ATP8A2: variants seen among roughly 807,000 people sequenced by gnomAD.
The protein encoded by ATP8A2 is phospholipid-transporting ATPase IB.
In ATP8A2, 100 loss-of-function variants were observed where a neutral mutation model predicts 165.6. The ratio of observed to expected loss-of-function variants is 0.60; its 90% CI spans 0.51 to 0.71. The LOEUF is 0.71. Among genes scored for constraint, ATP8A2 ranks in the 30% least tolerant of loss-of-function variants. The probability of loss-of-function intolerance (pLI) is 0.00; values close to 1 mark genes in which losing one functional copy is unlikely to be tolerated. For missense variants in ATP8A2, 1,227 were observed against 1,479.5 expected, an observed-to-expected ratio of 0.83 and a Z score of 2.80; for synonymous variants, 543 against 548.8, an observed-to-expected ratio of 0.99 and a Z score of 0.15.
At chr13:25,898,005 T>G (rs1953612933) in intron 33 of ATP8A2, among the ~76,000 whole-genome samples, 1 of 152,216 alleles carries the variant, frequency 6.6e-6, no homozygotes, top group Non-Finnish European at 1.5e-5. Context: ...TCGGAGAAGT[T>G]TGATCTTCTG....
chr13:25,457,391 A>G (rs1212638046), intron 1 of ATP8A2, among the ~76,000 whole-genome samples: 1 of 152,232 alleles, frequency 6.6e-6, no homozygotes, highest in Admixed American at 6.5e-5. Flanking sequence ...AGGTAAAAGG[A>G]CATATCAATG....
chr13:25,671,481 G>A (rs1181078570), intron 24 of ATP8A2, among the ~76,000 whole-genome samples: 3 of 152,172 alleles, frequency 2.0e-5, no homozygotes, highest in Non-Finnish European at 2.9e-5. Flanking sequence ...GAGAAATATC[G>A]CTGAATTCTT....
chr13:25,437,804 T>C (rs867260849), intron 1 of ATP8A2, among the ~76,000 whole-genome samples: 1 of 152,202 alleles, frequency 6.6e-6, no homozygotes, highest in Non-Finnish European at 1.5e-5. Flanking sequence ...GGTGAGAGCA[T>C]GTATACGCTG....
intron 30 of ATP8A2, among the ~76,000 whole-genome samples, chr13:25,849,519 TC>T (rs1951955263): frequency 6.6e-6 from 1 of 152,174 alleles, no homozygotes; most frequent in Non-Finnish European, 1.5e-5. Context: ...TCATTTTGTC[TC>T]TTTAGAAAAT....
At chr13:25,686,285 C>T (rs926221471) in intron 24 of ATP8A2, among the ~76,000 whole-genome samples, 14 of 152,128 alleles carry the variant, frequency 9.2e-5, no homozygotes, top group Admixed American at 4.6e-4. Context: ...GGAGCGGATG[C>T]GTCACGGGCC....
intron 24 of ATP8A2, among the ~76,000 whole-genome samples, chr13:25,594,967 C>T (rs1407026880): frequency 4.1e-5 from 5 of 122,090 alleles, no homozygotes; most frequent in Non-Finnish European, 8.4e-5. Context: ...GATAAAGAAA[C>T]TGTGGTGTGT....
chr13:25,442,534 C>T (rs1450976018), intron 1 of ATP8A2, among the ~76,000 whole-genome samples: 2 of 151,372 alleles, frequency 1.3e-5, no homozygotes, highest in Non-Finnish European at 2.9e-5. Context: ...CTGCCTCAGC[C>T]TCCTGAGTAG....
intron 16 of ATP8A2, among the ~76,000 whole-genome samples, chr13:25,565,413 T>C (rs1402354401): frequency 1.3e-5 from 2 of 152,248 alleles, no homozygotes; most frequent in African/African-American, 4.8e-5. Flanking sequence ...TTTTTGGTTA[T>C]GGCCATTCTT....
At position 25,979,065 on chromosome 13, in the gene ATP8A2, ACTAGTCTCTGTCACTAGT is replaced by A. The variant is rs879734673; in HGVS notation, c.3377+10387_3377+10404del. On this transcript the variant is annotated intron_variant, in intron 35 of 36. Coordinates refer to ENST00000381655, the MANE Select transcript of ATP8A2 (RefSeq NM_016529.6). ...CGTGGTCTCTGTCACTAGACTAGTG[ACTAGTCTCTGTCACTAGT>A]GGTCTCTGTCACCATTTATGTATAC... is the stretch of plus-strand genomic sequence containing the variant. 6.4e-3 allele frequency among the ~76,000 whole-genome samples: 976 copies of A among 152,202 alleles called. 5 individuals are homozygous for A. The highest frequency in any genetic ancestry group is 0.027 in the Middle Eastern group (8 of 294).
intron 1 of ATP8A2, among the ~76,000 whole-genome samples, chr13:25,406,934 C>T (rs1368659719): frequency 2.0e-5 from 3 of 152,214 alleles, no homozygotes; most frequent in Non-Finnish European, 2.9e-5. Flanking sequence ...ACCAAGGTAG[C>T]GTCCCCTCTC....
chr13:25,380,280 T>G (rs1413676625), intron 1 of ATP8A2, among the ~76,000 whole-genome samples: 1 of 152,210 alleles, frequency 6.6e-6, no homozygotes, highest in Non-Finnish European at 1.5e-5. Context: ...CTTGCTTGTC[T>G]AATATTTGTC....
chr13:25,517,763 A>T (rs920851021), intron 2 of ATP8A2, among the ~76,000 whole-genome samples: 1 of 152,256 alleles, frequency 6.6e-6, no homozygotes, highest in Non-Finnish European at 1.5e-5. Context: ...AATTAGGAAC[A>T]TGTTGAAAAT....
At chr13:25,938,106 G>A (rs1386886498) in intron 33 of ATP8A2, among the ~76,000 whole-genome samples, 1 of 151,006 alleles carries the variant, frequency 6.6e-6, no homozygotes, top group East Asian at 1.9e-4. Flanking sequence ...TAGCTAAAGT[G>A]TTTCCATTAG....
chr13:25,432,754 A>T (rs2034650308), intron 1 of ATP8A2, among the ~76,000 whole-genome samples: 1 of 152,050 alleles, frequency 6.6e-6, no homozygotes, highest in Non-Finnish European at 1.5e-5. Flanking sequence ...CTCCCTTAGG[A>T]TGCATAACTA....
At chr13:25,931,223 C>T (rs1954761703) in intron 33 of ATP8A2, among the ~76,000 whole-genome samples, 1 of 152,096 alleles carries the variant, frequency 6.6e-6, no homozygotes, top group Non-Finnish European at 1.5e-5. Flanking sequence ...ATTTAACGTC[C>T]CTAAGGGAAA....
chr13:25,454,240 G>C (rs1018641548), intron 1 of ATP8A2, among the ~76,000 whole-genome samples: 2 of 152,062 alleles, frequency 1.3e-5, no homozygotes, highest in African/African-American at 4.8e-5. Context: ...CTTTGCCATC[G>C]GCATGCCTGT....
chr13:25,927,499 G>A (rs893470465), intron 33 of ATP8A2, among the ~76,000 whole-genome samples: 1 of 152,256 alleles, frequency 6.6e-6, no homozygotes, highest in East Asian at 1.9e-4. Context: ...AGCAGAGTCC[G>A]AAAAGAAATA....
chr13:25,485,518 C>G (rs1247835733), intron 2 of ATP8A2, among the ~76,000 whole-genome samples: 1 of 152,218 alleles, frequency 6.6e-6, no homozygotes, highest in African/African-American at 2.4e-5. Flanking sequence ...ACTGGGCCTA[C>G]ACATGAACAT....
intron 33 of ATP8A2, among the ~76,000 whole-genome samples, chr13:25,930,502 C>G (rs900898046): frequency 1.3e-5 from 2 of 152,260 alleles, no homozygotes; most frequent in Middle Eastern, 3.4e-3. Flanking sequence ...GGACTCAGCT[C>G]AAATACTACC....
Sources: allele counts gnomAD v4.1 joint callset (sites outside exome capture counted in the v4.1 genomes callset), GRCh38; gene constraint gnomAD v4.1.1; transcripts MANE v1.5; gene names NCBI Gene and HGNC (gene_info 2026-07-23, HGNC 2026-07-21).